The following TUBGCP6 variants were observed in gnomAD, a reference collection of about 807,000 sequenced individuals.
The protein encoded by TUBGCP6 is gamma-tubulin complex component 6.
A neutral mutation model predicts 175.8 loss-of-function variants in TUBGCP6; 161 were observed. The ratio of observed to expected loss-of-function variants is 0.92; its 90% CI spans 0.81 to 1.04. TUBGCP6 has a LOEUF of 1.04. TUBGCP6 is among the 50% of genes least tolerant of loss of function. The pLI, the probability that TUBGCP6 is intolerant of heterozygous loss-of-function variation, is 0.00. For synonymous variants in TUBGCP6, 1,173 were observed against 1,030.5 expected (o/e 1.14, Z -2.65); for missense variants, 2,572 against 2,433.0 (o/e 1.06, Z -1.20).
chr22:50,231,825 C>A (rs376438683), intron 3 of TUBGCP6, among the ~76,000 whole-genome samples: 39 of 148,632 alleles, frequency 2.6e-4, no homozygotes, highest in Admixed American at 1.3e-3. Flanking sequence ...GCGCCACTGC[C>A]CTCCAGCCTG....
In TUBGCP6 at chr22:50,221,544, C is replaced by T. The variant is rs773849188; in HGVS notation, c.2815G>A (p.Ala939Thr). The T allele has an allele frequency of 5.7e-6, 9 of 1,584,780 alleles. No homozygotes were observed. The highest frequency in any genetic ancestry group is 7.7e-6 in the Non-Finnish European group (9 of 1,163,628). Residue 939 changes from alanine (A) to threonine (T), a missense_variant, in exon 16 of 25, where the codon GCA (alanine) becomes ACA (threonine). Physicochemically the swap from Ala to Thr is moderately conservative, Grantham distance 58. Transcript: ENST00000248846. ...LPPSAPGEAP[A>T]AASTQPSRPQ... ...CTGGAGGGCTGAGTGCTGGCTGCTGCGGGTGCCTCCCCAGGAGCTGAGGGG... is the reference window on the plus strand; with the variant it reads ...CTGGAGGGCTGAGTGCTGGCTGCTGTGGGTGCCTCCCCAGGAGCTGAGGGG...
At position 50,222,480 on chromosome 22, in the gene TUBGCP6, G is replaced by A; in HGVS notation, c.2383C>T (p.Leu795Phe). The A allele has an allele frequency of 1.9e-6, 3 of 1,613,856 alleles. No individual in the cohort carries two copies. The highest frequency in any genetic ancestry group is 2.5e-6 in the Non-Finnish European group (3 of 1,180,024). ...HRLESARLRF[L>F]LEDEKHIQEM... Reference sequence around the variant, plus strand: ...TGAATGTGTTTCTCATCTTCTAAGAGAAAACGAAGCCGTGCACTCTCCAGT... The same window carrying A: ...TGAATGTGTTTCTCATCTTCTAAGAAAAAACGAAGCCGTGCACTCTCCAGT... Residue 795 changes from leucine (L) to phenylalanine (F), a missense_variant, in exon 14 of 25, where the codon CTC becomes TTC. Physicochemically the swap from Leu to Phe is conservative, Grantham distance 22. Coordinates refer to ENST00000248846, the MANE Select transcript of TUBGCP6 (RefSeq NM_020461.4).
intron 3 of TUBGCP6, among the ~76,000 whole-genome samples, chr22:50,232,423 T>C (rs905611498): frequency 6.7e-6 from 1 of 149,920 alleles, no homozygotes; most frequent in African/African-American, 2.5e-5. Flanking sequence ...CTGAGTGTGG[T>C]GGCACGTGCC....
rs142473186 is a variant in TUBGCP6 at position 50,243,761 on chromosome 22, G to A, written c.699C>T (p.Pro233=). ...TYDMDVRLGL[P]PVPDNADLSG... is the part of the protein sequence containing the mutation. ...AGAGGTCCGCATTGTCTGGCACGGG[G>A]GGCAGGCCCAGTCGGACGTCCATGT... The change falls in exon 1 of 25, where the codon CCC becomes CCT. Residue 233 remains proline (P), a synonymous_variant. Coordinates refer to ENST00000248846, the MANE Select transcript of TUBGCP6 (RefSeq NM_020461.4). 60 of 1,613,504 alleles carry A rather than the reference G, an allele frequency of 3.7e-5. No homozygotes were observed. The highest frequency in any genetic ancestry group is 1.2e-4 in the African/African-American group (9 of 74,914).
chr22:50,233,364 C>G lies in TUBGCP6; in HGVS notation c.1068G>C (p.Val356=). The change falls in exon 3 of 25, where the codon GTG becomes GTC. Residue 356 remains valine, a synonymous_variant. Transcript: ENST00000248846. The part of the protein sequence containing the change: ...LVKECELVKD[V]LNVLIGVVSA... ...ACACGACCCCAATCAAGACGTTCAG[C>G]ACGTCTTTCACCAGCTCGCACTCCT... The G allele has an allele frequency of 6.2e-7, 1 of 1,614,050 alleles. No individual in the cohort carries two copies. The highest frequency in any genetic ancestry group is 8.5e-7 in the Non-Finnish European group (1 of 1,179,952).
chr22:50,233,473 A>C lies in TUBGCP6; in HGVS notation c.959T>G (p.Phe320Cys), dbSNP rs754693608. The change falls in exon 3 of 25, where the codon TTC becomes TGC. Residue 320 changes from phenylalanine (F) to cysteine (C), a missense_variant. Coordinates refer to ENST00000248846, the MANE Select transcript of TUBGCP6 (RefSeq NM_020461.4). ...PYLTEAGRDAFDKFCRLHQGE... is the reference protein window; with the variant it reads ...PYLTEAGRDACDKFCRLHQGE... ...TTGGTGGAGCCTGCAGAACTTGTCG[A>C]AAGCGTCCCTTCCCGCCTCCGTCAG... 3.1e-6 allele frequency: 5 copies of C among 1,612,420 alleles called. No individual in the cohort carries two copies. Among genetic ancestry groups the C allele is most frequent in the Non-Finnish European group, 4.2e-6 (5 of 1,179,332 alleles).
chr22:50,218,502 T>G lies in TUBGCP6; in HGVS notation c.4940A>C (p.His1647Pro), dbSNP rs1177707249. The change falls in exon 22 of 25, where the codon CAC becomes CCC. Residue 1647 changes from histidine (H) to proline (P), a missense_variant. By Grantham distance (77) the His-to-Pro change is moderately conservative. Transcript: ENST00000248846. Reference protein sequence around the residue: ...MMWALKDVCFHLKRTALLSHM... With the variant: ...MMWALKDVCFPLKRTALLSHM... Reference sequence around the variant, plus strand: ...CGGGGCCTCACCTGTGCGCTTGAGGTGGAAGCAGACGTCCTTGAGCGCCCA... The same window carrying G: ...CGGGGCCTCACCTGTGCGCTTGAGGGGGAAGCAGACGTCCTTGAGCGCCCA... 8 of 1,613,292 alleles carry G rather than the reference T, an allele frequency of 5.0e-6. No homozygotes were observed. The highest frequency in any genetic ancestry group is 1.1e-5 in the South Asian group (1 of 91,086).
intron 9 of TUBGCP6, 41 bp from the exon 10 acceptor site, chr22:50,225,984 C>T (rs1314239220): frequency 1.2e-6 from 2 of 1,613,228 alleles, no homozygotes; most frequent in Admixed American, 1.7e-5. Flanking sequence ...GCACTCAGCC[C>T]CAGCCTCATA....
At chr22:50,224,687 A>C (rs2064580040) in intron 10 of TUBGCP6, 95 bp from the exon 11 acceptor site, 1 of 1,234,128 alleles carries the variant, frequency 8.1e-7, no homozygotes, top group Non-Finnish European at 1.2e-6. Context: ...TGGGTAGATC[A>C]CATGAGCTTA....
chr22:50,229,524 G>A lies in TUBGCP6; in HGVS notation c.1170C>T (p.Pro390=), dbSNP rs575476667. Reference sequence around the variant, plus strand: ...CCGAGAGCAGGCTGCTGATGCTCTCGGGAGACGCTCCTGACACGTGGACGC... The same window carrying A: ...CCGAGAGCAGGCTGCTGATGCTCTCAGGAGACGCTCCTGACACGTGGACGC... The part of the protein sequence containing the change: ...KRGVHVSGAS[P]ESISSLLSEV... The change falls in exon 4 of 25, where the codon CCC becomes CCT. Residue 390 remains proline, a synonymous_variant. Transcript: ENST00000248846. The A allele has an allele frequency of 2.0e-5, 32 of 1,606,400 alleles. No homozygotes were observed. The Admixed American group carries it at 3.7e-4, about 19-fold the overall frequency.
chr22:50,222,684 G>A (rs2064548690), intron 13 of TUBGCP6, 92 bp from the exon 14 acceptor site: 2 of 1,550,348 alleles, frequency 1.3e-6, no homozygotes, highest in South Asian at 1.2e-5. Flanking sequence ...CTCCATAACA[G>A]AGGCCCCAGT....
At chr22:50,242,230 T>C (rs1394543107) in intron 1 of TUBGCP6, among the ~76,000 whole-genome samples, 2 of 151,746 alleles carry the variant, frequency 1.3e-5, no homozygotes, top group African/African-American at 2.4e-5. Context: ...AGGCAGAGCT[T>C]GCAGTGAGCC....
chr22:50,244,046 A>C lies in TUBGCP6; in HGVS notation c.414T>G (p.His138Gln), dbSNP rs1569129843. ...CGCTGTACGGAACGTTTCTCCCCAC[A>C]TGCTTGTTGTTAAGGAAGTAGTCTC... ...RKRDYFLNNK[H>Q]VGRNVPYSGY... The change falls in exon 1 of 25, where the codon CAT becomes CAG. Residue 138 changes from histidine (H) to glutamine (Q), a missense_variant. His to Gln is a conservative substitution (Grantham distance 24). Coordinates refer to ENST00000248846, the MANE Select transcript of TUBGCP6 (RefSeq NM_020461.4). 1.2e-6 allele frequency: 2 copies of C among 1,613,998 alleles called. No individual in the cohort carries two copies. Among genetic ancestry groups the C allele is most frequent in the Non-Finnish European group, 8.5e-7 (1 of 1,180,014 alleles).
rs781238490 is a variant in TUBGCP6 at position 50,221,597 on chromosome 22, G to A, written c.2762C>T (p.Ala921Val). Reference protein sequence around the residue: ...QTGMVPLLEVALQTINLDLPP... With the variant: ...QTGMVPLLEVVLQTINLDLPP... Reference sequence around the variant, plus strand: ...CAGGTCCAAGTTAATGGTCTGCAGCGCCACCTCCAGGAGAGGGACCATGCC... The same window carrying A: ...CAGGTCCAAGTTAATGGTCTGCAGCACCACCTCCAGGAGAGGGACCATGCC... The change falls in exon 16 of 25, where the codon GCG becomes GTG. Residue 921 changes from alanine to valine, a missense_variant. Ala to Val is a moderately conservative substitution (Grantham distance 64). Coordinates refer to ENST00000248846, the MANE Select transcript of TUBGCP6 (RefSeq NM_020461.4). 12 of 1,566,084 alleles carry A rather than the reference G, an allele frequency of 7.7e-6. No homozygotes were observed. The highest frequency in any genetic ancestry group is 4.8e-5 in the South Asian group (4 of 83,718).
At position 50,226,477 on chromosome 22, in the gene TUBGCP6, G is replaced by C; in HGVS notation, c.1602-99C>G. Reference sequence around the variant, plus strand: ...GGGACAGGGGCGTGGCTGTCAGTGAGGGGCAAGTGGGGGCGTAGCTGTGAG... The same window carrying C: ...GGGACAGGGGCGTGGCTGTCAGTGACGGGCAAGTGGGGGCGTAGCTGTGAG... On this transcript the variant is annotated intron_variant, in intron 7 of 24. Coordinates refer to ENST00000248846, the MANE Select transcript of TUBGCP6 (RefSeq NM_020461.4). 4.5e-6 allele frequency: 5 copies of C among 1,106,260 alleles called. No individual in the cohort carries two copies. The South Asian group carries it at 6.9e-5, about 15-fold the overall frequency. 68.5% of individuals were successfully genotyped at this position (1,106,260 alleles called of 1,614,324 possible).
At chr22:50,233,600 G>A (rs746530365) in intron 2 of TUBGCP6, 74 bp from the exon 3 acceptor site, 11 of 1,395,626 alleles carry the variant, frequency 7.9e-6, no homozygotes, top group East Asian at 2.5e-5. Context: ...GCTTTCTCTC[G>A]GGAATGGGCA....
At position 50,218,396 on chromosome 22, in the gene TUBGCP6, A is replaced by G; in HGVS notation, c.4961T>C (p.Leu1654Pro). The change falls in exon 23 of 25, where the codon CTG (leucine) becomes CCG (proline). Residue 1654 changes from leucine to proline, a missense_variant. Leu to Pro is a moderately conservative substitution (Grantham distance 98). Coordinates refer to ENST00000248846, the MANE Select transcript of TUBGCP6 (RefSeq NM_020461.4). The part of the protein sequence containing the change: ...VCFHLKRTAL[L>P]SHMAGSVQFR... Reference sequence around the variant, plus strand: ...CTGCACAGAGCCGGCCATGTGGCTCAGCAGGGCTGGCGGAGGGCAGAAGGC... The same window carrying G: ...CTGCACAGAGCCGGCCATGTGGCTCGGCAGGGCTGGCGGAGGGCAGAAGGC... The G allele has an allele frequency of 6.2e-7, 1 of 1,613,058 alleles. No homozygotes were observed. The highest frequency in any genetic ancestry group is 8.5e-7 in the Non-Finnish European group (1 of 1,179,938).
intron 3 of TUBGCP6, among the ~76,000 whole-genome samples, chr22:50,232,739 AG>A (rs965464824): frequency 2.6e-4 from 39 of 152,386 alleles, no homozygotes; most frequent in Admixed American, 1.1e-3. Context: ...CTGAAGTCTA[AG>A]AATGGCCACC....
chr22:50,231,894 C>T (rs576723542), intron 3 of TUBGCP6, among the ~76,000 whole-genome samples: 8 of 147,064 alleles, frequency 5.4e-5, no homozygotes, highest in African/African-American at 2.0e-4. Flanking sequence ...ACTATGAAAA[C>T]AAGAGAAAAA....
Sources: gnomAD v4.1 joint callset for allele counts (sites outside exome capture counted in the v4.1 genomes callset) on GRCh38, gnomAD v4.1.1 for gene constraint, MANE v1.5 for transcripts, NCBI Gene and HGNC (gene_info 2026-07-23, HGNC 2026-07-21) for gene names.